The following CATSPERB variants were observed in gnomAD, a reference collection of about 807,000 sequenced individuals.
The protein encoded by CATSPERB is cation channel sperm-associated auxiliary subunit beta.
CATSPERB carries 93 observed loss-of-function variants against 128.3 expected under a neutral mutation model. The observed-to-expected ratio is 0.72, with a 90% CI of 0.61 to 0.86. CATSPERB has a LOEUF of 0.86. CATSPERB is among the 40% of genes least tolerant of loss of function. CATSPERB has a pLI of 0.00. For missense variants in CATSPERB, 1,153 were observed against 1,329.5 expected (o/e 0.87, Z 2.06); for synonymous variants, 381 against 448.8 (o/e 0.85, Z 1.91).
At position 91,704,545 on chromosome 14, in the gene CATSPERB, G is replaced by T; in HGVS notation, c.616+7C>A. ...AATGTCAACATTTAATGAAGCTGTA[G>T]ACCTACCATCAACTATTGTATCCAC... On this transcript the variant is annotated splice_region_variant and intron_variant, in intron 7 of 26. Transcript: ENST00000256343. The T allele has an allele frequency of 1.2e-6, 2 of 1,608,158 alleles. No individual in the cohort carries two copies. The highest frequency in any genetic ancestry group is 1.7e-6 in the Non-Finnish European group (2 of 1,177,754).
intron 17 of CATSPERB, among the ~76,000 whole-genome samples, chr14:91,630,046 C>A (rs912145077): frequency 2.0e-5 from 3 of 152,200 alleles, no homozygotes; most frequent in Admixed American, 6.5e-5. Flanking sequence ...CCACTCCATG[C>A]CAATGAAACT....
Position 91,723,097 on chromosome 14 carries a change from TC to T in CATSPERB, c.260del (p.Gly87GlufsTer3). 1 of 1,551,544 alleles carries T rather than the reference TC, an allele frequency of 6.4e-7. No homozygotes were observed. Among genetic ancestry groups the T allele is most frequent in the South Asian group, 1.3e-5 (1 of 78,712 alleles). ...TGCCATTATATGTACTATTCATGAT[TC>T]CCAAGCTGGGAGCAAGTCCTCCTGA... ...FTSGGLAPSLGIMNSTYNGIF... is the reference protein window; with the variant it reads ...FTSGGLAPSLXIMNSTYNGIF... On this transcript the variant is annotated frameshift_variant, in exon 4 of 27. Transcript: ENST00000256343. LOFTEE classifies it high-confidence loss of function.
In CATSPERB at chr14:91,672,918, T is replaced by C. The variant is rs762983259; in HGVS notation, c.1077A>G (p.Thr359=). ...TACCACGCTCTTGGTCAACAAGAAA[T>C]GTTAGCACAGTTGGAAAAATTTTTA... The part of the protein sequence containing the change: ...KGIKIFPTVL[T]FLVDQERGTG... The change falls in exon 13 of 27, where the codon ACA becomes ACG. Residue 359 remains threonine, a synonymous_variant. Coordinates refer to ENST00000256343, the MANE Select transcript of CATSPERB (RefSeq NM_024764.4). The C allele has an allele frequency of 2.5e-6, 4 of 1,601,454 alleles. No individual in the cohort carries two copies. The Admixed American group carries it at 7.1e-5, about 29-fold the overall frequency.
intron 10 of CATSPERB, among the ~76,000 whole-genome samples, chr14:91,689,341 A>G (rs1021269512): frequency 1.3e-5 from 2 of 152,148 alleles, no homozygotes; most frequent in African/African-American, 4.8e-5. Context: ...GAGTGAGGTA[A>G]CGACATGCCA....
chr14:91,668,829 A>C (rs1217568617), intron 14 of CATSPERB, among the ~76,000 whole-genome samples: 1 of 152,024 alleles, frequency 6.6e-6, no homozygotes, highest in African/African-American at 2.4e-5. Flanking sequence ...GAAGGAAGAA[A>C]CTCTGGACAC....
At chr14:91,639,689 TTCTC>T (rs1214234404) in intron 15 of CATSPERB, among the ~76,000 whole-genome samples, 1 of 152,188 alleles carries the variant, frequency 6.6e-6, no homozygotes, top group East Asian at 1.9e-4. Context: ...CGTCCTGTGG[TTCTC>T]TCATCCTTAG....
chr14:91,634,908 C>T (rs539124423), intron 17 of CATSPERB, among the ~76,000 whole-genome samples: 2 of 151,550 alleles, frequency 1.3e-5, no homozygotes, highest in South Asian at 4.2e-4. Context: ...TAATAAAATA[C>T]CATAAACCAG....
chr14:91,707,658 G>C (rs1895757367), intron 6 of CATSPERB, among the ~76,000 whole-genome samples: 1 of 126,628 alleles, frequency 7.9e-6, no homozygotes, highest in African/African-American at 3.0e-5. Context: ...GAATACAATG[G>C]TGCAATCCTG....
intron 14 of CATSPERB, among the ~76,000 whole-genome samples, chr14:91,660,608 G>A (rs868172684): frequency 1.3e-5 from 2 of 152,084 alleles, no homozygotes; most frequent in African/African-American, 4.8e-5. Flanking sequence ...AGTTGCTACC[G>A]CTTTTAATAG....
At chr14:91,597,682 T>G (rs2139765415) in intron 22 of CATSPERB, among the ~76,000 whole-genome samples, 1 of 152,282 alleles carries the variant, frequency 6.6e-6, no homozygotes. Context: ...TCCCCGGGCC[T>G]TGAGGAGTTG....
chr14:91,722,975 A>T (rs534031531), intron 4 of CATSPERB, 74 bp downstream of exon 4: 1,047 of 1,191,980 alleles, frequency 8.8e-4, no homozygotes, highest in Non-Finnish European at 1.1e-3. Context: ...CCTATTTTTT[A>T]AAAAATACAT....
chr14:91,714,349 T>G (rs1051831889), intron 5 of CATSPERB, among the ~76,000 whole-genome samples: 1 of 150,788 alleles, frequency 6.6e-6, no homozygotes, highest in African/African-American at 2.4e-5. Flanking sequence ...TAAAATTATC[T>G]CCATTCCTAA....
In CATSPERB at chr14:91,723,059, T is replaced by G. The variant is rs550309138; in HGVS notation, c.299A>C (p.Asn100Thr). The change falls in exon 4 of 27, where the codon AAT becomes ACT. Residue 100 changes from asparagine (N) to threonine (T), a missense_variant. Physicochemically the swap from Asn to Thr is moderately conservative, Grantham distance 65. Coordinates refer to ENST00000256343, the MANE Select transcript of CATSPERB (RefSeq NM_024764.4). ...ATAAAATGTAATTACCAACGTTAAA[T>G]TAAAGTGGAAGATGCCATTATATGT... is the stretch of plus-strand genomic sequence containing the variant. ...NSTYNGIFHF[N>T]LTLFSDRILW... 3.3e-6 allele frequency: 5 copies of G among 1,502,114 alleles called. No individual in the cohort carries two copies. Among genetic ancestry groups the G allele is most frequent in the Non-Finnish European group, 4.4e-6 (5 of 1,127,086 alleles). The allele number at this position is 1,502,114 out of a possible 1,614,324, so 93.0% of individuals were successfully genotyped here. A position where few individuals can be genotyped will look rare whatever the true frequency, so the allele number is the denominator to read the frequency against.
chr14:91,647,052 C>T (rs1268737197), intron 15 of CATSPERB, among the ~76,000 whole-genome samples: 1 of 152,222 alleles, frequency 6.6e-6, no homozygotes, highest in African/African-American at 2.4e-5. Flanking sequence ...AACCTCATCT[C>T]TACTAAAAAT....
chr14:91,678,382 A>G (rs1229547959), intron 11 of CATSPERB, among the ~76,000 whole-genome samples: 1 of 152,234 alleles, frequency 6.6e-6, no homozygotes, highest in South Asian at 2.1e-4. Flanking sequence ...ATTCAGATCC[A>G]GCTATCTTTT....
chr14:91,624,160 T>C (rs1704616), intron 18 of CATSPERB, among the ~76,000 whole-genome samples: 113,078 of 152,082 alleles, frequency 0.74, 42,591 homozygotes, highest in East Asian at 0.97. Context: ...CCAGCCTGGC[T>C]AACAAGGTGA....
chr14:91,661,351 T>G (rs1429493273), intron 14 of CATSPERB, among the ~76,000 whole-genome samples: 1 of 152,048 alleles, frequency 6.6e-6, no homozygotes, highest in Non-Finnish European at 1.5e-5. Flanking sequence ...ATACCATACT[T>G]GAGATAGTCT....
intron 16 of CATSPERB, 106 bp downstream of exon 16, chr14:91,638,990 G>A: frequency 1.0e-6 from 1 of 1,004,498 alleles, no homozygotes; most frequent in East Asian, 2.5e-5. Flanking sequence ...GCATTAATGA[G>A]TTTGTCCCAA....
Position 91,718,510 on chromosome 14 carries a change from T to C in CATSPERB, c.370+908A>G, listed in dbSNP as rs141860162. On this transcript the variant is annotated intron_variant, in intron 5 of 26. Coordinates refer to ENST00000256343, the MANE Select transcript of CATSPERB (RefSeq NM_024764.4). The stretch of plus-strand genomic sequence containing the variant: ...ACTCTCCCAATCCATATTTGCTTGG[T>C]GCACAGGTGGATGCTGGATCAACAA... Among the ~76,000 whole-genome samples the C allele has an allele frequency of 6.9e-3, 1,055 of 152,292 alleles. 18 individuals are homozygous for C. Among genetic ancestry groups the C allele is most frequent in the Middle Eastern group, 0.01 (3 of 294 alleles).
Sources: allele counts gnomAD v4.1 joint callset (sites outside exome capture counted in the v4.1 genomes callset), GRCh38; gene constraint gnomAD v4.1.1; transcripts MANE v1.5; gene names NCBI Gene and HGNC (gene_info 2026-07-23, HGNC 2026-07-21).